Variants in RBAK observed in about 807,000 individuals in gnomAD.
The protein encoded by RBAK is RB-associated KRAB zinc finger protein.
A neutral mutation model predicts 65.8 loss-of-function variants in RBAK; 39 were observed. The observed-to-expected ratio is 0.59, with a 90% CI of 0.46 to 0.77. The LOEUF (loss-of-function observed/expected upper bound fraction) is 0.77. RBAK is among the 30% of genes least tolerant of loss of function. The pLI is 0.00. For synonymous variants in RBAK, 343 were observed against 289.7 expected (o/e 1.18, Z -1.87); for missense variants, 884 against 855.1 (o/e 1.03, Z -0.42).
rs1779174271 is a variant in RBAK at position 5,064,755 on chromosome 7, G to C, written c.1299G>C (p.Glu433Asp). Residue 433 changes from glutamate (E) to aspartate (D), a missense_variant, in exon 5 of 5, where the codon GAG becomes GAC. By Grantham distance (45) the Glu-to-Asp change is conservative (BLOSUM62 2). Transcript: ENST00000396912. This position sits in a 1 kb window ranked among gnomAD's most constrained non-coding sequence, Gnocchi z 6.3. ...HTGEKPYQCS[E>D]CGKFFSRVSY... ...GAGAGAAGCCCTATCAGTGTAGCGA[G>C]TGTGGGAAATTCTTTTCTCGGGTGT... is the stretch of plus-strand genomic sequence containing the variant. 1 of 1,613,810 alleles carries C rather than the reference G, an allele frequency of 6.2e-7. No homozygotes were observed. Among genetic ancestry groups the C allele is most frequent in the South Asian group, 1.1e-5 (1 of 91,056 alleles).
intron 2 of RBAK, among the ~76,000 whole-genome samples, chr7:5,050,260 G>C (rs1788087094): frequency 6.6e-6 from 1 of 152,216 alleles, no homozygotes; most frequent in South Asian, 2.1e-4. Context: ...TTGTTTTGAA[G>C]AAACTGGGTT....
At chr7:5,046,472 G>A in intron 1 of RBAK, 76 bp downstream of exon 1, 2 of 442,798 alleles carry the variant, frequency 4.5e-6, no homozygotes, top group South Asian at 1.7e-5. Context: ...CTTAGAGTGT[G>A]GGGCAGGGGG....
chr7:5,058,984 G>C (rs886110647), intron 4 of RBAK, among the ~76,000 whole-genome samples: 1 of 152,228 alleles, frequency 6.6e-6, no homozygotes, highest in African/African-American at 2.4e-5. Context: ...TTACCAGGGA[G>C]ATAGTTCACT....
Position 5,059,504 on chromosome 7 carries a change from TA to T in RBAK, c.238+1735del, listed in dbSNP as rs899839669. Among the ~76,000 whole-genome samples the T allele has an allele frequency of 3.8e-3, 568 of 148,866 alleles. 9 individuals are homozygous for T. The highest frequency in any genetic ancestry group is 0.013 in the African/African-American group (547 of 40,646). On this transcript the variant is annotated intron_variant, in intron 4 of 4. Coordinates refer to ENST00000396912, the MANE Select transcript of RBAK (RefSeq NM_021163.4). ...GCCTGGCTAATTTTTATATTTTTAT[TA>T]AAAAAAAAACCACACATAACATACA...
intron 1 of RBAK, 57 bp downstream of exon 1, chr7:5,046,453 G>A (rs1787986912): frequency 2.0e-6 from 1 of 489,646 alleles, no homozygotes; most frequent in Non-Finnish European, 4.0e-6. Flanking sequence ...GTCACCGTGT[G>A]TTGGGGACCT....
chr7:5,053,952 C>T (rs1353638024), intron 2 of RBAK, among the ~76,000 whole-genome samples: 1 of 152,142 alleles, frequency 6.6e-6, no homozygotes, highest in Non-Finnish European at 1.5e-5. Flanking sequence ...TAATTTCCTG[C>T]CCATTTTCCC....
At chr7:5,050,428 C>A (rs1239084579) in intron 2 of RBAK, among the ~76,000 whole-genome samples, 1 of 152,236 alleles carries the variant, frequency 6.6e-6, no homozygotes, top group East Asian at 1.9e-4. Context: ...TGGCATTTGT[C>A]TACTTCTGGA....
In RBAK at chr7:5,065,218, G is replaced by A. The variant is rs370383120; in HGVS notation, c.1762G>A (p.Val588Ile). 6 of 1,613,476 alleles carry A rather than the reference G, an allele frequency of 3.7e-6. No individual in the cohort carries two copies. Among genetic ancestry groups the A allele is most frequent in the African/African-American group, 2.7e-5 (2 of 74,998 alleles). ...HNSSLFRHQR[V>I]HTGEKPYECY... is the part of the protein sequence containing the mutation. Reference sequence around the variant, plus strand: ...TTCATCCCTCTTCAGACATCAAAGAGTACACACAGGCGAGAAACCCTATGA... The same window carrying A: ...TTCATCCCTCTTCAGACATCAAAGAATACACACAGGCGAGAAACCCTATGA... Residue 588 changes from valine to isoleucine, a missense_variant, in exon 5 of 5, where the codon GTA becomes ATA. Physicochemically the swap from Val to Ile is conservative, Grantham distance 29. Coordinates refer to ENST00000396912, the MANE Select transcript of RBAK (RefSeq NM_021163.4). The surrounding 1 kb of genome is among the most constrained non-coding windows in gnomAD (Gnocchi z 5.3).
Position 5,064,549 on chromosome 7 carries a change from A to C in RBAK, c.1093A>C (p.Arg365=), listed in dbSNP as rs1487885257. 1 of 1,613,880 alleles carries C rather than the reference A, an allele frequency of 6.2e-7. No homozygotes were observed. The highest frequency in any genetic ancestry group is 1.1e-5 in the South Asian group (1 of 91,080). ...CQKTHLTLHQ[R]NHSGERPYPC... is the part of the protein sequence containing the mutation. The stretch of plus-strand genomic sequence containing the variant: ...AAAGACACATCTCACCCTGCACCAG[A>C]GGAATCATTCAGGAGAGAGGCCCTA... Residue 365 remains arginine (R), a synonymous_variant, in exon 5 of 5, where the codon AGG becomes CGG. Coordinates refer to ENST00000396912, the MANE Select transcript of RBAK (RefSeq NM_021163.4). This position sits in a 1 kb window ranked among gnomAD's most constrained non-coding sequence, Gnocchi z 6.3.
chr7:5,049,510 T>C (rs1788068503), intron 2 of RBAK, among the ~76,000 whole-genome samples: 1 of 152,206 alleles, frequency 6.6e-6, no homozygotes. Context: ...AGTCAGTCTG[T>C]AAAGATTACC....
chr7:5,066,220 TAAGAC>T lies in RBAK; in HGVS notation c.*621_*625del, dbSNP rs1779215370. On this transcript the variant is annotated 3_prime_UTR_variant, in exon 5 of 5. Coordinates refer to ENST00000396912, the MANE Select transcript of RBAK (RefSeq NM_021163.4). Reference sequence around the variant, plus strand: ...TGAGTATTAGGATGGCAAAATGTATTAAGACAGGACATATTGTTGGTGAGATAATA... The same window carrying T: ...TGAGTATTAGGATGGCAAAATGTATTAGGACATATTGTTGGTGAGATAATA... The T allele has an allele frequency of 6.6e-6, 1 of 152,594 alleles. No individual in the cohort carries two copies. Among genetic ancestry groups the T allele is most frequent in the Admixed American group, 6.6e-5 (1 of 15,264 alleles). 9.5% of individuals were successfully genotyped at this position (152,594 alleles called of 1,614,324 possible).
chr7:5,058,559 A>G (rs116012263), intron 4 of RBAK, among the ~76,000 whole-genome samples: 1 of 152,098 alleles, frequency 6.6e-6, no homozygotes, highest in Non-Finnish European at 1.5e-5. Flanking sequence ...TCCTCCACCT[A>G]TGCTTGTGAA....
chr7:5,052,341 T>C (rs2115029267), intron 2 of RBAK, among the ~76,000 whole-genome samples: 1 of 152,360 alleles, frequency 6.6e-6, no homozygotes, highest in East Asian at 1.9e-4. Context: ...ATAGACTGTT[T>C]ACATGTAATG....
At position 5,063,755 on chromosome 7, in the gene RBAK, G is replaced by A. The variant is rs780505682; in HGVS notation, c.299G>A (p.Arg100Lys). 1.9e-6 allele frequency: 3 copies of A among 1,613,452 alleles called. No individual in the cohort carries two copies. The highest frequency in any genetic ancestry group is 3.3e-5 in the Admixed American group (2 of 59,930). The part of the protein sequence containing the change: ...RIQENEDKHS[R>K]QAACINSKTL... ...CAAGAAAACGAAGACAAACATTCAA[G>A]GCAAGCTGCTTGTATCAATAGCAAA... The change falls in exon 5 of 5, where the codon AGG becomes AAG. Residue 100 changes from arginine to lysine, a missense_variant. Coordinates refer to ENST00000396912, the MANE Select transcript of RBAK (RefSeq NM_021163.4).
intron 2 of RBAK, among the ~76,000 whole-genome samples, chr7:5,049,679 C>G (rs982540128): frequency 6.6e-6 from 1 of 152,022 alleles, no homozygotes; most frequent in African/African-American, 2.4e-5. Context: ...AGTATTTCTG[C>G]TTGTCTTTAA....
rs1778953841 is a variant in RBAK at position 5,057,367 on chromosome 7, A to G, written c.88A>G (p.Lys30Glu). 6.2e-7 allele frequency: 1 copy of G among 1,613,882 alleles called. No homozygotes were observed. Among genetic ancestry groups the G allele is most frequent in the African/African-American group, 1.3e-5 (1 of 74,850 alleles). ...GTGGCAGCAGCTGGACCCTGATGAG[A>G]AGATAACTTACAGGGATGTGATGTT... ...EEWQQLDPDE[K>E]ITYRDVMLEN... Residue 30 changes from lysine (K) to glutamate (E), a missense_variant, in exon 3 of 5, where the codon AAG becomes GAG. Physicochemically the swap from Lys to Glu is moderately conservative, Grantham distance 56 (BLOSUM62 1). Transcript: ENST00000396912.
intron 1 of RBAK, among the ~76,000 whole-genome samples, chr7:5,047,586 ACT>A (rs1326396565): frequency 2.2e-5 from 3 of 135,662 alleles, no homozygotes; most frequent in Admixed American, 7.7e-5. Context: ...TTCGCCTATC[ACT>A]CTTTTTCACT....
At chr7:5,051,830 A>G (rs1788123624) in intron 2 of RBAK, among the ~76,000 whole-genome samples, 1 of 152,072 alleles carries the variant, frequency 6.6e-6, no homozygotes, top group Admixed American at 6.6e-5. Context: ...GTCTTGGGAA[A>G]CTTCTGTGCA....
chr7:5,057,840 A>AAT (rs1216000722), intron 4 of RBAK, 61 bp downstream of exon 4: 3 of 1,595,760 alleles, frequency 1.9e-6, no homozygotes, highest in Non-Finnish European at 2.6e-6. Flanking sequence ...GGAGAGACTA[A>AAT]AGAGTTGTTT....
Sources: allele counts gnomAD v4.1 joint callset (sites outside exome capture counted in the v4.1 genomes callset), GRCh38; gene constraint gnomAD v4.1.1; non-coding constraint Gnocchi (gnomAD v3.1); transcripts MANE v1.5; gene names NCBI Gene and HGNC (gene_info 2026-07-23, HGNC 2026-07-21).